Variants in ERC2 observed in about 807,000 individuals in gnomAD.
ERC2 encodes the protein ELKS/RAB6-interacting/CAST family member 2, also known as ERC protein 2.
ERC2 carries 42 observed loss-of-function variants against 114.8 expected under a neutral mutation model. That is an observed-to-expected ratio of 0.37 (90% CI 0.29 to 0.47). The LOEUF (loss-of-function observed/expected upper bound fraction) is 0.47, where lower values mean the gene tolerates loss of function less well. Among genes scored for constraint, ERC2 ranks in the 20% least tolerant of loss-of-function variants. The probability of loss-of-function intolerance (pLI) is 0.99; values close to 1 mark genes in which losing one functional copy is unlikely to be tolerated. For missense variants in ERC2, 939 were observed against 1,150.7 expected (o/e 0.82, Z 2.66); for synonymous variants, 454 against 425.5 (o/e 1.07, Z -0.82).
At chr3:56,407,935 AG>A (rs2060791568) in intron 2 of ERC2, among the ~76,000 whole-genome samples, 1 of 152,156 alleles carries the variant, frequency 6.6e-6, no homozygotes, top group Non-Finnish European at 1.5e-5. Flanking sequence ...TTCATGCTGC[AG>A]CTCAAATGTC....
rs1164965140 is a variant in ERC2 at position 56,219,937 on chromosome 3, T to A, written c.1075-46417A>T. 2.0e-5 allele frequency among the ~76,000 whole-genome samples: 3 copies of A among 152,224 alleles called. No individual in the cohort carries two copies. In the East Asian group the frequency reaches 5.8e-4, roughly 29 times the overall value. ...AAATACAGATACCATTGCCCACACGTGGCTGTTAGGGAGATTAAAATGAAA... is the reference window on the plus strand; with the variant it reads ...AAATACAGATACCATTGCCCACACGAGGCTGTTAGGGAGATTAAAATGAAA... On this transcript the variant is annotated intron_variant, in intron 3 of 17. Transcript: ENST00000288221.
intron 2 of ERC2, among the ~76,000 whole-genome samples, chr3:56,412,808 G>A (rs113145444): frequency 4.1e-4 from 63 of 152,292 alleles, no homozygotes; most frequent in African/African-American, 1.5e-3. Context: ...CTCAATAAAT[G>A]TTAGCTATTA....
At chr3:55,519,660 T>C (rs1363429553) in intron 17 of ERC2, among the ~76,000 whole-genome samples, 1 of 152,170 alleles carries the variant, frequency 6.6e-6, no homozygotes, top group East Asian at 1.9e-4. Context: ...CATCTGGGTT[T>C]GATATTATCT....
At chr3:56,096,325 G>A (rs1297477677) in intron 6 of ERC2, among the ~76,000 whole-genome samples, 2 of 152,156 alleles carry the variant, frequency 1.3e-5, no homozygotes, top group African/African-American at 4.8e-5. Context: ...ATGCCTAGGA[G>A]GCATTTTCAT....
At chr3:55,691,621 A>G (rs2062674017) in intron 16 of ERC2, among the ~76,000 whole-genome samples, 1 of 139,332 alleles carries the variant, frequency 7.2e-6, no homozygotes, top group Non-Finnish European at 1.5e-5. Flanking sequence ...TATCTGGGCA[A>G]GCTTTAGACA....
intron 13 of ERC2, among the ~76,000 whole-genome samples, chr3:55,944,276 A>G (rs1171989001): frequency 6.6e-6 from 1 of 152,258 alleles, no homozygotes; most frequent in African/African-American, 2.4e-5. Flanking sequence ...AAGAGCCACT[A>G]ATGGAGTGAA....
intron 7 of ERC2, among the ~76,000 whole-genome samples, chr3:56,020,850 A>C (rs566077641): frequency 1.8e-4 from 28 of 152,308 alleles, no homozygotes; most frequent in African/African-American, 6.3e-4. Context: ...CCAAAGGAAA[A>C]GTGGCTGTGC....
chr3:55,856,646 TA>T (rs1559770621), intron 14 of ERC2, among the ~76,000 whole-genome samples: 1 of 152,088 alleles, frequency 6.6e-6, no homozygotes, highest in Non-Finnish European at 1.5e-5. Context: ...ACGGTGATGG[TA>T]AATGTTAAAA....
chr3:56,387,065 A>C (rs983225559), intron 2 of ERC2, among the ~76,000 whole-genome samples: 2 of 152,206 alleles, frequency 1.3e-5, no homozygotes, highest in Admixed American at 6.6e-5. Context: ...CTAATATTTT[A>C]AAATGTGCTA....
chr3:55,696,451 T>G (rs940553431), intron 16 of ERC2, among the ~76,000 whole-genome samples: 2 of 152,214 alleles, frequency 1.3e-5, no homozygotes, highest in Non-Finnish European at 2.9e-5. Flanking sequence ...CAGCTAACAT[T>G]ATGTACATTA....
rs142717119 is a variant in ERC2, at chr3:55,725,270, T to C, written c.2712+9501A>G. ...TGGTAAAGTTGATCTTTTCAAGTTT[T>C]TCTAAACTAATACTTAAAAAGCAAA... On this transcript the variant is annotated intron_variant, in intron 15 of 17. Coordinates refer to ENST00000288221, the MANE Select transcript of ERC2 (RefSeq NM_015576.3). Among the ~76,000 whole-genome samples the C allele has an allele frequency of 3.9e-3, 595 of 152,328 alleles. 5 individuals carry two copies. Among genetic ancestry groups the C allele is most frequent in the African/African-American group, 0.013 (553 of 41,556 alleles).
At chr3:56,247,832 T>A (rs547318092) in intron 3 of ERC2, among the ~76,000 whole-genome samples, 34 of 152,226 alleles carry the variant, frequency 2.2e-4, no homozygotes, top group Non-Finnish European at 4.1e-4. Flanking sequence ...CAGCAAGTTA[T>A]TTCCTCCCAC....
chr3:55,779,216 T>C (rs561461182), intron 14 of ERC2, among the ~76,000 whole-genome samples: 99 of 151,252 alleles, frequency 6.5e-4, no homozygotes, highest in African/African-American at 2.4e-3. Context: ...GTGCGGTGGC[T>C]CACGCCTGTA....
intron 13 of ERC2, among the ~76,000 whole-genome samples, chr3:55,911,947 G>A (rs1171724922): frequency 6.6e-6 from 1 of 152,156 alleles, no homozygotes. Flanking sequence ...ACAGGAGGAG[G>A]AATGGCCCTT....
intron 17 of ERC2, among the ~76,000 whole-genome samples, chr3:55,608,391 A>G (rs754500681): frequency 6.6e-6 from 1 of 152,226 alleles, no homozygotes; most frequent in Non-Finnish European, 1.5e-5. Flanking sequence ...GTGCATGTGC[A>G]AACACCAGAG....
chr3:56,466,950 C>T (rs139157197), intron 1 of ERC2: 1 of 152,394 alleles, frequency 6.6e-6, no homozygotes, highest in East Asian at 1.9e-4. Flanking sequence ...TCCTTCTTTA[C>T]ACAGATTCAT....
At chr3:55,905,419 A>G (rs1393149689) in intron 13 of ERC2, among the ~76,000 whole-genome samples, 1 of 151,390 alleles carries the variant, frequency 6.6e-6, no homozygotes, top group African/African-American at 2.4e-5. Context: ...AGTTTGGAGT[A>G]GTGGTGGTGG....
chr3:56,109,823 G>T (rs142589812), intron 6 of ERC2, among the ~76,000 whole-genome samples: 1 of 152,212 alleles, frequency 6.6e-6, no homozygotes, highest in Non-Finnish European at 1.5e-5. Context: ...ACATCAAGGC[G>T]CAGAGAACAA....
chr3:56,015,008 T>C (rs1023725375), intron 8 of ERC2, among the ~76,000 whole-genome samples: 7 of 152,216 alleles, frequency 4.6e-5, no homozygotes, highest in African/African-American at 1.4e-4. Flanking sequence ...TCTTATAATT[T>C]AATCCTGAAG....
Sources: gnomAD v4.1 joint callset for allele counts (sites outside exome capture counted in the v4.1 genomes callset) on GRCh38, gnomAD v4.1.1 for gene constraint, MANE v1.5 for transcripts, NCBI Gene and HGNC (gene_info 2026-07-23, HGNC 2026-07-21) for gene names.